Variants in BPTF observed in about 807,000 individuals in gnomAD.
BPTF encodes nucleosome-remodeling factor subunit BPTF.
Under a neutral mutation model 292.5 loss-of-function variants are expected in BPTF, and 18 were observed. That is an observed-to-expected ratio of 0.06 (90% CI 0.04 to 0.09). BPTF has a LOEUF of 0.09. BPTF is among the 10% of genes least tolerant of loss of function. BPTF has a pLI of 1.00. For missense variants in BPTF, 2,726 were observed against 3,498.7 expected, an observed-to-expected ratio of 0.78 and a Z score of 5.57; for synonymous variants, 1,225 against 1,251.9, an observed-to-expected ratio of 0.98 and a Z score of 0.45.
chr17:67,976,257 G>T (rs1441733900), intron 27 of BPTF, among the ~76,000 whole-genome samples: 2 of 152,226 alleles, frequency 1.3e-5, no homozygotes, highest in Non-Finnish European at 2.9e-5. Context: ...CAGATCACCT[G>T]AGGTCAGGAG....
intron 7 of BPTF, among the ~76,000 whole-genome samples, chr17:67,895,572 C>G (rs1315723549): frequency 2.0e-5 from 3 of 151,044 alleles, no homozygotes; most frequent in Middle Eastern, 3.2e-3. Context: ...AGGTTATCCT[C>G]TCACCTCAGC....
intron 23 of BPTF, among the ~76,000 whole-genome samples, chr17:67,950,526 A>G (rs1204445419): frequency 2.0e-5 from 3 of 152,052 alleles, no homozygotes; most frequent in African/African-American, 4.8e-5. Context: ...CAAAACCCCA[A>G]GAAAATAATT....
At chr17:67,875,492 G>A (rs1034447794) in intron 4 of BPTF, 1 of 1,280,560 alleles carries the variant, frequency 7.8e-7, no homozygotes. Context: ...GACTGAATGT[G>A]GCCATTTGCC....
rs754808675 is a variant in BPTF, at chr17:67,893,761, A to G, written c.2411+36A>G. ...CTAAGGTTAATTTATTGCTGTAAAT[A>G]TACTAAATGTTTATAAAATGATTGT... On this transcript the variant is annotated intron_variant, in intron 6 of 27. Transcript: ENST00000306378. The G allele has an allele frequency of 4.3e-6, 6 of 1,401,364 alleles. No individual in the cohort carries two copies. The South Asian group carries it at 8.0e-5, about 19-fold the overall frequency. 86.8% of individuals were successfully genotyped at this position (1,401,364 alleles called of 1,614,324 possible). A position where few individuals can be genotyped will look rare whatever the true frequency, so the allele number is the denominator to read the frequency against.
intron 17 of BPTF, among the ~76,000 whole-genome samples, chr17:67,931,062 C>T (rs1439843262): frequency 1.3e-5 from 2 of 151,984 alleles, no homozygotes; most frequent in African/African-American, 4.8e-5. Flanking sequence ...GTCAAGAGAT[C>T]GAAACCATCC....
intron 18 of BPTF, among the ~76,000 whole-genome samples, chr17:67,934,004 A>G (rs1367854702): frequency 1.3e-5 from 2 of 152,088 alleles, no homozygotes; most frequent in Non-Finnish European, 1.5e-5. Flanking sequence ...AGACCCTGCC[A>G]TTGCACTCCA....
intron 15 of BPTF, among the ~76,000 whole-genome samples, chr17:67,926,381 G>A (rs1165725303): frequency 7.4e-6 from 1 of 135,202 alleles, no homozygotes; most frequent in African/African-American, 2.9e-5. Context: ...CTGGAGTGCA[G>A]TGGCGCGATC....
chr17:67,964,528 A>G (rs1340864898), intron 25 of BPTF, 124 bp downstream of exon 25: 29 of 1,194,992 alleles, frequency 2.4e-5, no homozygotes, highest in Non-Finnish European at 3.3e-5. Flanking sequence ...TAGTCTAGTG[A>G]AGTGCCTAAC....
At chr17:67,948,786 G>A (rs1294177738) in intron 23 of BPTF, among the ~76,000 whole-genome samples, 1 of 152,124 alleles carries the variant, frequency 6.6e-6, no homozygotes, top group African/African-American at 2.4e-5. Flanking sequence ...CCAGAAGTTC[G>A]AGACCATCCT....
chr17:67,830,538 C>G (rs971322476), intron 1 of BPTF, among the ~76,000 whole-genome samples: 1 of 150,890 alleles, frequency 6.6e-6, no homozygotes, highest in African/African-American at 2.4e-5. Context: ...TTAAGGAGGG[C>G]GAGATAATAT....
chr17:67,832,933 A>G (rs1022003881), intron 1 of BPTF, among the ~76,000 whole-genome samples: 2 of 147,900 alleles, frequency 1.4e-5, no homozygotes, highest in Non-Finnish European at 3.0e-5. Flanking sequence ...GATTACAGGC[A>G]CCTGCCACTG....
Position 67,959,546 on chromosome 17 carries a change from G to T in BPTF, c.7932G>T (p.Glu2644Asp). 6.6e-7 allele frequency: 1 copy of T among 1,519,632 alleles called. No homozygotes were observed. Among genetic ancestry groups the T allele is most frequent in the South Asian group, 1.4e-5 (1 of 73,828 alleles). 94.1% of individuals were successfully genotyped at this position (1,519,632 alleles called of 1,614,324 possible). A position where few individuals can be genotyped will look rare whatever the true frequency, so the allele number is the denominator to read the frequency against. The change falls in exon 24 of 28, where the codon GAG becomes GAT. Residue 2644 changes from glutamate to aspartate, a missense_variant. By Grantham distance (45) the Glu-to-Asp change is conservative. Around this residue, in one of 22 missense-constraint regions of BPTF, gnomAD observed 148 missense variants for 145.5 expected, o/e 1.02. Transcript: ENST00000306378. ...TTGTCTTTAATTGATAACAGGAAGA[G>T]CTGAAGAGAGACCTGAAAATTAAGA... Reference protein sequence around the residue: ...DKDLQIEVQEELKRDLKIKKE... With the variant: ...DKDLQIEVQEDLKRDLKIKKE...
intron 4 of BPTF, among the ~76,000 whole-genome samples, chr17:67,884,477 G>T (rs1388291501): frequency 6.6e-6 from 1 of 151,318 alleles, no homozygotes; most frequent in East Asian, 1.9e-4. Flanking sequence ...GTGCAATGGC[G>T]CAATCACGGC....
At position 67,959,663 on chromosome 17, in the gene BPTF, T is replaced by TCCCGCCCCC; in HGVS notation, c.8051_8052insCGCCCCCCC (p.Ala2682_Pro2684dup). On this transcript the variant is annotated inframe_insertion, in exon 24 of 28. Transcript: ENST00000306378. ...CAGCTCCTCCAGCCCCTCCAGCCCC[T>TCCCGCCCCC]CCACCTTCACCTCCCCCTCCACCTG... The TCCCGCCCCC allele has an allele frequency of 6.8e-7, 1 of 1,469,070 alleles. No individual in the cohort carries two copies. Among genetic ancestry groups the TCCCGCCCCC allele is most frequent in the Non-Finnish European group, 9.1e-7 (1 of 1,101,596 alleles). 91.0% of individuals were successfully genotyped at this position (1,469,070 alleles called of 1,614,324 possible). A position where few individuals can be genotyped will look rare whatever the true frequency, so the allele number is the denominator to read the frequency against.
intron 1 of BPTF, among the ~76,000 whole-genome samples, chr17:67,841,269 C>T (rs534726492): frequency 9.2e-5 from 14 of 151,958 alleles, no homozygotes; most frequent in South Asian, 4.2e-4. Flanking sequence ...ATTAGCCGGT[C>T]GTGGTGGCAC....
rs1371899139 is a variant in BPTF at position 67,966,728 on chromosome 17, T to C, written c.8539+72T>C. ...TGTTTTATTATCCATAAAATTAATA[T>C]CTTAGAATATTTTTAGCAAGGCTGG... On this transcript the variant is annotated intron_variant, in intron 26 of 27. Transcript: ENST00000306378. 1.3e-5 allele frequency: 16 copies of C among 1,272,310 alleles called. No homozygotes were observed. In the South Asian group the frequency reaches 1.6e-4, roughly 13 times the overall value. 78.8% of individuals were successfully genotyped at this position (1,272,310 alleles called of 1,614,324 possible). A position where few individuals can be genotyped will look rare whatever the true frequency, so the allele number is the denominator to read the frequency against.
intron 12 of BPTF, 56 bp from the exon 13 acceptor site, chr17:67,919,959 T>G (rs1013297718): frequency 1.3e-6 from 2 of 1,534,506 alleles, no homozygotes; most frequent in African/African-American, 1.4e-5. Context: ...GATGTACCTT[T>G]TTAGTCTCTG....
chr17:67,875,812 A>G (rs1020339114), intron 4 of BPTF: 30 of 1,275,116 alleles, frequency 2.4e-5, no homozygotes, highest in African/African-American at 1.4e-4. Flanking sequence ...TAAAAGCCGA[A>G]TGTCACCTAA....
intron 7 of BPTF, among the ~76,000 whole-genome samples, chr17:67,901,568 A>G (rs1447598785): frequency 2.0e-5 from 3 of 152,258 alleles, no homozygotes; most frequent in African/African-American, 4.8e-5. Context: ...CCTTTTATAA[A>G]TGAAAACTAC....
Sources: gnomAD v4.1 joint callset for allele counts (sites outside exome capture counted in the v4.1 genomes callset) on GRCh38, gnomAD v4.1.1 for gene constraint, gnomAD v4.1.1 regional missense constraint, MANE v1.5 for transcripts, NCBI Gene and HGNC (gene_info 2026-07-23, HGNC 2026-07-21) for gene names.